Variants in CDH18 observed in about 807,000 individuals in gnomAD.
CDH18 encodes cadherin 18, also known as cadherin-18.
In CDH18, 31 loss-of-function variants were observed where a neutral mutation model predicts 67.9. The ratio of observed to expected loss-of-function variants is 0.46; its 90% CI spans 0.34 to 0.62. The LOEUF (loss-of-function observed/expected upper bound fraction) is 0.62. Among genes scored for constraint, CDH18 ranks in the 20% least tolerant of loss-of-function variants. CDH18 has a pLI of 0.01. For synonymous variants in CDH18, 362 were observed against 347.2 expected (o/e 1.04, Z -0.48); for missense variants, 890 against 975.5 (o/e 0.91, Z 1.17).
intron 1 of CDH18, among the ~76,000 whole-genome samples, chr5:20,298,327 C>T (rs1040751940): frequency 3.3e-5 from 5 of 152,034 alleles, no homozygotes; most frequent in Non-Finnish European, 7.4e-5. Context: ...AGGTAACTTA[C>T]GGTGCAACAG....
At chr5:20,155,034 C>A (rs1437251432) in intron 2 of CDH18, among the ~76,000 whole-genome samples, 1 of 152,058 alleles carries the variant, frequency 6.6e-6, no homozygotes, top group Non-Finnish European at 1.5e-5. Context: ...TATAAACAGA[C>A]CTTGCAAATG....
chr5:20,087,690 T>C (rs966319288), intron 2 of CDH18, among the ~76,000 whole-genome samples: 8 of 151,898 alleles, frequency 5.3e-5, no homozygotes, highest in Non-Finnish European at 1.2e-4. Flanking sequence ...CAAAAGCATG[T>C]ACGTTTTTTA....
intron 2 of CDH18, among the ~76,000 whole-genome samples, chr5:20,041,135 A>G (rs1401843203): frequency 6.6e-6 from 1 of 152,194 alleles, no homozygotes; most frequent in Non-Finnish European, 1.5e-5. Flanking sequence ...TGATTCTAGA[A>G]TCGGGGCCTT....
At chr5:20,533,426 C>T (rs1756533031) in intron 1 of CDH18, among the ~76,000 whole-genome samples, 2 of 152,042 alleles carry the variant, frequency 1.3e-5, no homozygotes, top group Admixed American at 1.3e-4. Context: ...ATGCTGCTTA[C>T]ACAGGGAAGC....
chr5:20,052,260 G>A (rs1457556834), intron 2 of CDH18, among the ~76,000 whole-genome samples: 1 of 152,028 alleles, frequency 6.6e-6, no homozygotes, highest in East Asian at 1.9e-4. Context: ...GGCATGTCAG[G>A]ACCGTAGTGC....
intron 3 of CDH18, among the ~76,000 whole-genome samples, chr5:19,751,992 G>C (rs1770911459): frequency 6.6e-6 from 1 of 152,074 alleles, no homozygotes; most frequent in Non-Finnish European, 1.5e-5. Context: ...CCCCCAAGAT[G>C]CCCCAAATAT....
rs1447001122 is a variant in CDH18, at chr5:19,936,788, A to G, written c.-257+44272T>C. On this transcript the variant is annotated intron_variant, in intron 2 of 12. Transcript: ENST00000382275. The stretch of plus-strand genomic sequence containing the variant: ...AAATATATGTCCAATTCATTTACTT[A>G]TTTTATGTGAATAGAAATTTCATGT... Among the ~76,000 whole-genome samples, 21 of 151,004 alleles carry G rather than the reference A, an allele frequency of 1.4e-4. 1 individual carries two copies. The Admixed American group carries it at 1.4e-3, about 10-fold the overall frequency.
intron 2 of CDH18, among the ~76,000 whole-genome samples, chr5:19,975,451 G>T (rs1798410641): frequency 6.6e-6 from 1 of 152,100 alleles, no homozygotes; most frequent in Non-Finnish European, 1.5e-5. Context: ...GGAGGATTGT[G>T]TACTACCAAA....
intron 1 of CDH18, among the ~76,000 whole-genome samples, chr5:20,502,935 T>A (rs1754421451): frequency 6.6e-6 from 1 of 152,104 alleles, no homozygotes; most frequent in East Asian, 1.9e-4. Context: ...ACATTAACTA[T>A]ACAATTAAAC....
intron 2 of CDH18, among the ~76,000 whole-genome samples, chr5:20,185,426 T>C (rs915122690): frequency 5.9e-5 from 9 of 152,084 alleles, no homozygotes; most frequent in East Asian, 1.9e-4. Context: ...ATGCACTCCG[T>C]TGCCTGCCCA....
intron 10 of CDH18, among the ~76,000 whole-genome samples, chr5:19,507,037 T>A (rs1421874277): frequency 3.2e-4 from 48 of 151,990 alleles, no homozygotes; most frequent in African/African-American, 1.1e-3. Flanking sequence ...GAATCTACAA[T>A]GAACTCAAAC....
chr5:19,806,833 C>T (rs1003272622), intron 3 of CDH18, among the ~76,000 whole-genome samples: 9 of 152,088 alleles, frequency 5.9e-5, no homozygotes, highest in East Asian at 1.9e-4. Flanking sequence ...GATTGTATAA[C>T]GATACATATA....
chr5:19,654,234 TATG>T (rs1469009016), intron 5 of CDH18, among the ~76,000 whole-genome samples: 2 of 152,268 alleles, frequency 1.3e-5, no homozygotes, highest in Middle Eastern at 3.4e-3. Context: ...TTGATGGAGT[TATG>T]ATGATAAGAG....
chr5:19,673,931 T>A (rs1421836489), intron 5 of CDH18, among the ~76,000 whole-genome samples: 2 of 152,130 alleles, frequency 1.3e-5, no homozygotes, highest in African/African-American at 4.8e-5. Context: ...ACAACTATTA[T>A]ATAAACCACA....
intron 1 of CDH18, among the ~76,000 whole-genome samples, chr5:20,512,201 C>A (rs1002749382): frequency 6.6e-6 from 1 of 151,964 alleles, no homozygotes; most frequent in Admixed American, 6.6e-5. Flanking sequence ...CCAGCTTGGG[C>A]AACAGAGTGA....
At chr5:19,508,865 C>CTTT (rs35438564) in intron 10 of CDH18, among the ~76,000 whole-genome samples, 2 of 127,608 alleles carry the variant, frequency 1.6e-5, no homozygotes, top group African/African-American at 3.0e-5. Flanking sequence ...TCTTTCTTTT[C>CTTT]TTTTTTTTTT....
At chr5:19,627,521 G>T (rs1015658318) in intron 5 of CDH18, among the ~76,000 whole-genome samples, 2 of 152,150 alleles carry the variant, frequency 1.3e-5, no homozygotes, top group African/African-American at 4.8e-5. Context: ...GGATGCAAGA[G>T]TTCAGTAAAA....
At chr5:20,247,009 CT>C (rs1411484532) in intron 2 of CDH18, among the ~76,000 whole-genome samples, 2 of 152,176 alleles carry the variant, frequency 1.3e-5, no homozygotes, top group Admixed American at 1.3e-4. Context: ...CAGCTCACCC[CT>C]GATATCCTTC....
chr5:20,206,515 C>T (rs992397722), intron 2 of CDH18, among the ~76,000 whole-genome samples: 1 of 151,744 alleles, frequency 6.6e-6, no homozygotes, highest in Non-Finnish European at 1.5e-5. Context: ...CAAAACCAGA[C>T]AAAGATACAA....
Sources: gnomAD v4.1 joint callset for allele counts (sites outside exome capture counted in the v4.1 genomes callset) on GRCh38, gnomAD v4.1.1 for gene constraint, MANE v1.5 for transcripts, NCBI Gene and HGNC (gene_info 2026-07-23, HGNC 2026-07-21) for gene names.